The following RPE65 variants were observed in gnomAD, a reference collection of about 807,000 sequenced individuals.
RPE65 encodes the protein retinoid isomerohydrolase.
A neutral mutation model predicts 68.5 loss-of-function variants in RPE65; 58 were observed. The observed-to-expected ratio is 0.85, with a 90% confidence interval of 0.69 to 1.05. RPE65 has a LOEUF of 1.05. Among genes scored for constraint, RPE65 ranks in the 50% least tolerant of loss-of-function variants. The pLI, the probability that RPE65 is intolerant of heterozygous loss-of-function variation, is 0.00. For missense variants in RPE65, 643 were observed against 629.9 expected, an observed-to-expected ratio of 1.02 and a Z score of -0.22; for synonymous variants, 220 against 222.2, an observed-to-expected ratio of 0.99 and a Z score of 0.09.
At chr1:68,442,806 C>A (rs915017823) in intron 5 of RPE65, among the ~76,000 whole-genome samples, 2 of 152,194 alleles carry the variant, frequency 1.3e-5, no homozygotes, top group African/African-American at 4.8e-5. Flanking sequence ...AGGAGCTACA[C>A]ACACACTTGT....
intron 10 of RPE65, among the ~76,000 whole-genome samples, chr1:68,436,781 T>G (rs1419244414): frequency 6.6e-6 from 1 of 152,064 alleles, no homozygotes; most frequent in South Asian, 2.1e-4. Flanking sequence ...CTCCTCTTAC[T>G]TCTATGTTTT....
In RPE65 at chr1:68,444,774, A is replaced by C. The variant is rs1363082025; in HGVS notation, c.353+2T>G. ...AGTAACATTCAGTTTGGGTTCAGTA[A>C]CCTGGAAAATATATTCTTGCAGGGA... On this transcript the variant is annotated splice_donor_variant, in intron 4 of 13. Transcript: ENST00000262340. LOFTEE classifies it high-confidence loss of function. 3 of 1,614,162 alleles carry C rather than the reference A, an allele frequency of 1.9e-6. No individual in the cohort carries two copies. The South Asian group carries it at 3.3e-5, about 18-fold the overall frequency.
intron 3 of RPE65, 120 bp from the exon 4 acceptor site, chr1:68,445,003 G>T: frequency 2.4e-6 from 2 of 845,766 alleles, no homozygotes; most frequent in Non-Finnish European, 3.9e-6. Context: ...TGCACAACAT[G>T]AAGAATAAAG....
chr1:68,447,479 C>T (rs946225844), intron 2 of RPE65, among the ~76,000 whole-genome samples: 1 of 152,180 alleles, frequency 6.6e-6, no homozygotes, highest in African/African-American at 2.4e-5. Context: ...CATGTCATCT[C>T]TGGACCTCAG....
intron 1 of RPE65, among the ~76,000 whole-genome samples, chr1:68,449,276 T>A (rs1645965087): frequency 6.6e-6 from 1 of 152,152 alleles, no homozygotes; most frequent in Non-Finnish European, 1.5e-5. Context: ...TTTTTCCCCA[T>A]CATCTCATTT....
At chr1:68,444,004 T>C (rs573201511) in intron 5 of RPE65, among the ~76,000 whole-genome samples, 4 of 152,302 alleles carry the variant, frequency 2.6e-5, no homozygotes, top group Admixed American at 2.0e-4. Context: ...AATAGCATGA[T>C]TTTCAGTATC....
intron 7 of RPE65, 115 bp from the exon 8 acceptor site, chr1:68,439,438 T>TA: frequency 6.5e-7 from 1 of 1,548,394 alleles, no homozygotes; most frequent in Non-Finnish European, 8.9e-7. Flanking sequence ...TACATGAAAT[T>TA]AATTATGTTT....
chr1:68,431,921 C>T (rs1553152557), intron 10 of RPE65, among the ~76,000 whole-genome samples: 1 of 151,380 alleles, frequency 6.6e-6, no homozygotes, highest in Non-Finnish European at 1.5e-5. Context: ...ATCTCAAAAC[C>T]AATAATAATA....
At chr1:68,447,780 G>C (rs1292499590) in intron 2 of RPE65, among the ~76,000 whole-genome samples, 1 of 152,152 alleles carries the variant, frequency 6.6e-6, no homozygotes, top group African/African-American at 2.4e-5. Context: ...AACCCATGAG[G>C]CGGAGCTTGC....
chr1:68,444,457 T>C (rs1645926610), intron 5 of RPE65, 74 bp downstream of exon 5: 27 of 1,565,968 alleles, frequency 1.7e-5, no homozygotes, highest in East Asian at 6.7e-5. Context: ...ATTCGCAGCA[T>C]GAATAATTTA....
Position 68,429,789 on chromosome 1 carries a change from A to G in RPE65, c.1589T>C (p.Phe530Ser). The change falls in exon 14 of 14, where the codon TTC becomes TCC. Residue 530 changes from phenylalanine to serine, a missense_variant. By Grantham distance (155) the Phe-to-Ser change is radical. Transcript: ENST00000262340. ...INIPVTFHGL[F>S]KKS ...GCTGGAGTATGCTCAAGATTTTTTGAACAGTCCATGAAAGGTGACAGGGAT... is the reference window on the plus strand; with the variant it reads ...GCTGGAGTATGCTCAAGATTTTTTGGACAGTCCATGAAAGGTGACAGGGAT... 1 of 1,613,612 alleles carries G rather than the reference A, an allele frequency of 6.2e-7. No homozygotes were observed. The highest frequency in any genetic ancestry group is 8.5e-7 in the Non-Finnish European group (1 of 1,179,672).
At chr1:68,433,271 G>A (rs924007792) in intron 10 of RPE65, among the ~76,000 whole-genome samples, 18 of 152,170 alleles carry the variant, frequency 1.2e-4, no homozygotes, top group Non-Finnish European at 2.4e-4. Flanking sequence ...GGAATGAGAA[G>A]GTAGCTGGTT....
chr1:68,448,986 A>C (rs1475356462), intron 1 of RPE65, among the ~76,000 whole-genome samples: 1 of 152,084 alleles, frequency 6.6e-6, no homozygotes, highest in Admixed American at 6.5e-5. Flanking sequence ...TTTTAATGTC[A>C]ATGGTTACAG....
Position 68,438,173 on chromosome 1 carries a change from G to C in RPE65, c.1128+14C>G, listed in dbSNP as rs1417205675. 1 of 1,613,728 alleles carries C rather than the reference G, an allele frequency of 6.2e-7. No individual in the cohort carries two copies. On this transcript the variant is annotated intron_variant, in intron 10 of 13. Coordinates refer to ENST00000262340, the MANE Select transcript of RPE65 (RefSeq NM_000329.3). ...ATTCTGGTTAAATCTGAAATCTACA[G>C]AGAAGCAGGTTACCTTGTCAATATT...
In RPE65 at chr1:68,448,665, G is replaced by A; in HGVS notation, c.53C>T (p.Thr18Ile). The change falls in exon 2 of 14, where the codon ACT becomes ATT. Residue 18 changes from threonine to isoleucine, a missense_variant. Coordinates refer to ENST00000262340, the MANE Select transcript of RPE65 (RefSeq NM_000329.3). ...PAGGYKKLFE[T>I]VEELSSPLTA... Reference sequence around the variant, plus strand: ...GAGCGGCGAGGACAGTTCCTCCACAGTTTCAAACAGTTTCTTGTAACCACC... The same window carrying A: ...GAGCGGCGAGGACAGTTCCTCCACAATTTCAAACAGTTTCTTGTAACCACC... 3.7e-6 allele frequency: 6 copies of A among 1,613,858 alleles called. No homozygotes were observed. The highest frequency in any genetic ancestry group is 5.1e-6 in the Non-Finnish European group (6 of 1,179,946).
At chr1:68,435,037 A>C (rs1175887048) in intron 10 of RPE65, among the ~76,000 whole-genome samples, 3 of 152,148 alleles carry the variant, frequency 2.0e-5, no homozygotes, top group African/African-American at 7.2e-5. Flanking sequence ...ATTCCCTTAG[A>C]GATCACCAAA....
At chr1:68,445,675 G>A (rs1645937738) in intron 3 of RPE65, among the ~76,000 whole-genome samples, 3 of 151,888 alleles carry the variant, frequency 2.0e-5, no homozygotes, top group Admixed American at 6.6e-5. Context: ...CACCACGCCC[G>A]GCTAATTTTT....
intron 12 of RPE65, 45 bp from the exon 13 acceptor site, chr1:68,431,221 C>T (rs982778495): frequency 1.2e-6 from 2 of 1,600,914 alleles, no homozygotes; most frequent in Admixed American, 3.3e-5. Flanking sequence ...AGTCAATATG[C>T]TTTACTTGAC....
chr1:68,431,100 A>C lies in RPE65; in HGVS notation c.1415T>G (p.Phe472Cys). Residue 472 changes from phenylalanine to cysteine, a missense_variant, in exon 13 of 14, where the codon TTT (phenylalanine) becomes TGT (cysteine). Coordinates refer to ENST00000262340, the MANE Select transcript of RPE65 (RefSeq NM_000329.3). ...TTCCAAGGCATCTGGGTGAGAAACA[A>C]AGATGGGTTCTGATGGGTATGAATC... is the stretch of plus-strand genomic sequence containing the variant. ...EPDSYPSEPI[F>C]VSHPDALEED... The C allele has an allele frequency of 6.2e-7, 1 of 1,613,802 alleles. No homozygotes were observed. The highest frequency in any genetic ancestry group is 8.5e-7 in the Non-Finnish European group (1 of 1,179,796).
Sources: gnomAD v4.1 joint callset for allele counts (sites outside exome capture counted in the v4.1 genomes callset) on GRCh38, gnomAD v4.1.1 for gene constraint, MANE v1.5 for transcripts, NCBI Gene and HGNC (gene_info 2026-07-23, HGNC 2026-07-21) for gene names.